PASK: variants seen among roughly 807,000 people sequenced by gnomAD.
PASK encodes PAS domain-containing serine/threonine-protein kinase.
Under a neutral mutation model 121.0 loss-of-function variants are expected in PASK, and 110 were observed. The observed-to-expected ratio is 0.91, with a 90% CI of 0.78 to 1.06. The LOEUF is 1.06. PASK is among the 50% of genes least tolerant of loss of function. The pLI, the probability that PASK is intolerant of heterozygous loss-of-function variation, is 0.00. For synonymous variants in PASK, 686 were observed against 717.8 expected, an observed-to-expected ratio of 0.96 and a Z score of 0.71; for missense variants, 1,643 against 1,702.3, an observed-to-expected ratio of 0.97 and a Z score of 0.61.
rs2064959856 is a variant in PASK at position 241,108,063 on chromosome 2, G to A, written c.3667+104C>T. ...GAATAGAAAAGAAACAAATGAGACT[G>A]TTGATATGGACAGAGATACACTGAG... is the stretch of plus-strand genomic sequence containing the variant. On this transcript the variant is annotated intron_variant, in intron 16 of 17. Transcript: ENST00000234040. The surrounding 1 kb of genome is among the most constrained non-coding windows in gnomAD (Gnocchi z 5.2). 1.9e-6 allele frequency: 2 copies of A among 1,049,768 alleles called. No homozygotes were observed. The highest frequency in any genetic ancestry group is 1.3e-5 in the South Asian group (1 of 79,702). The allele number at this position is 1,049,768 out of a possible 1,614,324, so 65.0% of individuals were successfully genotyped here.
intron 12 of PASK, among the ~76,000 whole-genome samples, chr2:241,121,584 C>A (rs984924509): frequency 2.6e-5 from 4 of 152,120 alleles, no homozygotes; most frequent in Admixed American, 2.6e-4. Flanking sequence ...GACTTTCAGA[C>A]TGAATTTCAA....
intron 12 of PASK, among the ~76,000 whole-genome samples, chr2:241,122,188 C>T (rs1362542044): frequency 6.6e-6 from 1 of 151,482 alleles, no homozygotes; most frequent in Non-Finnish European, 1.5e-5. Context: ...ATCTAAGATA[C>T]CACCTTAGGA....
intron 15 of PASK, among the ~76,000 whole-genome samples, chr2:241,110,358 T>C (rs560638650): frequency 3.3e-5 from 5 of 152,210 alleles, no homozygotes; most frequent in Admixed American, 3.3e-4. Flanking sequence ...GAGATGAAGA[T>C]GACAAGACAG....
At chr2:241,140,793 G>A in intron 2 of PASK, 40 bp from the exon 3 acceptor site, 1 of 1,353,518 alleles carries the variant, frequency 7.4e-7, no homozygotes, top group Non-Finnish European at 1.1e-6. Context: ...ACTTCACACA[G>A]CTGCCAGAGT....
At position 241,112,679 on chromosome 2, in the gene PASK, A is replaced by G. The variant is rs762684115; in HGVS notation, c.3334-240T>C. 5.3e-5 allele frequency: 26 copies of G among 489,118 alleles called. No individual in the cohort carries two copies. The highest frequency in any genetic ancestry group is 2.8e-4 in the East Asian group (7 of 25,332). The allele number at this position is 489,118 out of a possible 1,614,324, so 30.3% of individuals were successfully genotyped here. ...GTTAGCCGGCAAGGTGGCAACATCA[A>G]TGAGACTCGTGAGTTCTGTTTGCTG... is the stretch of plus-strand genomic sequence containing the variant. On this transcript the variant is annotated intron_variant, in intron 14 of 17. Coordinates refer to ENST00000234040, the MANE Select transcript of PASK (RefSeq NM_015148.4). The surrounding 1 kb of genome is among the most constrained non-coding windows in gnomAD (Gnocchi z 5.2).
rs765180142 is a variant in PASK at position 241,126,217 on chromosome 2, G to C, written c.2698C>G (p.His900Asp). The C allele has an allele frequency of 2.8e-5, 45 of 1,613,952 alleles. No homozygotes were observed. The highest frequency in any genetic ancestry group is 3.7e-5 in the Non-Finnish European group (44 of 1,180,038). ...QEGAYSGSCY[H>D]RDGLRLSIQF... ...ATACTCAGCCGTAAGCCATCTCGAT[G>C]GTAGCAGCTCCCGGAGTAGGCACCC... The change falls in exon 10 of 18, where the codon CAT becomes GAT. Residue 900 changes from histidine to aspartate, a missense_variant. Coordinates refer to ENST00000234040, the MANE Select transcript of PASK (RefSeq NM_015148.4).
intron 14 of PASK, 188 bp downstream of exon 14, chr2:241,114,855 C>G: frequency 6.7e-7 from 1 of 1,500,740 alleles, no homozygotes; most frequent in Non-Finnish European, 8.8e-7. Flanking sequence ...TCCTTCCCAA[C>G]CTCACTTTCT....
At chr2:241,137,909 A>G (rs550091205) in intron 6 of PASK, 44 bp downstream of exon 6, 1 of 1,610,068 alleles carries the variant, frequency 6.2e-7, no homozygotes, top group South Asian at 1.1e-5. Flanking sequence ...TTCAGAGCTA[A>G]GAACTCCACC....
Position 241,106,468 on chromosome 2 carries a change from T to C in PASK, c.*98A>G, listed in dbSNP as rs942464454. 19 of 1,242,180 alleles carry C rather than the reference T, an allele frequency of 1.5e-5. No individual in the cohort carries two copies. The highest frequency in any genetic ancestry group is 7.4e-5 in the African/African-American group (5 of 67,746). The allele number at this position is 1,242,180 out of a possible 1,614,324, so 76.9% of individuals were successfully genotyped here. On this transcript the variant is annotated 3_prime_UTR_variant, in exon 18 of 18. Coordinates refer to ENST00000234040, the MANE Select transcript of PASK (RefSeq NM_015148.4). ...TGCACATGAGTTTTTAGAAGGTGAA[T>C]TGGGGATGCTTCAGAATGTATTTTC...
At position 241,135,885 on chromosome 2, in the gene PASK, G is replaced by A; in HGVS notation, c.1292C>T (p.Ala431Val). The change falls in exon 8 of 18, where the codon GCT becomes GTT. Residue 431 changes from alanine (A) to valine (V), a missense_variant. This residue lies in a region of PASK where 1,176 missense variants were observed against 1,162.2 expected (regional missense o/e 1.01). Transcript: ENST00000234040. ...TLDPWQGQDP[A>V]EGGQDPRINV... ...GGACGTCTTACCCTGGCCCCCCTCA[G>A]CTGGGTCCTGGCCCTGCCACGGGTC... 1 of 1,614,092 alleles carries A rather than the reference G, an allele frequency of 6.2e-7. No individual in the cohort carries two copies. The highest frequency in any genetic ancestry group is 8.5e-7 in the Non-Finnish European group (1 of 1,179,974).
In PASK at chr2:241,123,625, C is replaced by A. The variant is rs2065723126; in HGVS notation, c.2904+324G>T. Reference sequence around the variant, plus strand: ...CTGAGGTCAGGAGGTTCAATACCAGCCTTGCCAACATGGAGAAACCCAGTC... The same window carrying A: ...CTGAGGTCAGGAGGTTCAATACCAGACTTGCCAACATGGAGAAACCCAGTC... On this transcript the variant is annotated intron_variant, in intron 11 of 17. Transcript: ENST00000234040. Among the ~76,000 whole-genome samples, 3 of 151,942 alleles carry A rather than the reference C, an allele frequency of 2.0e-5. No individual in the cohort carries two copies. In the South Asian group the frequency reaches 6.2e-4, roughly 31 times the overall value.
chr2:241,116,312 G>T (rs2065367440), intron 12 of PASK, among the ~76,000 whole-genome samples: 1 of 152,276 alleles, frequency 6.6e-6, no homozygotes, highest in Non-Finnish European at 1.5e-5. Context: ...AGGAAGCACA[G>T]AAGGGGGTCA....
chr2:241,139,918 G>A lies in PASK; in HGVS notation c.567C>T (p.Ala189=), dbSNP rs768867633. The change falls in exon 4 of 18, where the codon GCC becomes GCT. Residue 189 remains alanine (A), a synonymous_variant. Coordinates refer to ENST00000234040, the MANE Select transcript of PASK (RefSeq NM_015148.4). Reference sequence around the variant, plus strand: ...CAAACACCACCGCAGCGTGGCCGTCGGCCTCCATGTGCTCCTCGCTGAGGG... The same window carrying A: ...CAAACACCACCGCAGCGTGGCCGTCAGCCTCCATGTGCTCCTCGCTGAGGG... The part of the protein sequence containing the change: ...VEALSEEHME[A]DGHAAVVFGT... 16 of 1,613,980 alleles carry A rather than the reference G, an allele frequency of 9.9e-6. No homozygotes were observed. Among genetic ancestry groups the A allele is most frequent in the East Asian group, 4.5e-5 (2 of 44,892 alleles).
intron 5 of PASK, 75 bp downstream of exon 5, chr2:241,138,579 G>A: frequency 6.6e-7 from 1 of 1,519,984 alleles, no homozygotes; most frequent in South Asian, 1.1e-5. Flanking sequence ...ATGAGACAGG[G>A]ACCAGCACTT....
chr2:241,130,211 C>T (rs552860069), intron 9 of PASK, among the ~76,000 whole-genome samples: 3 of 152,316 alleles, frequency 2.0e-5, no homozygotes, highest in African/African-American at 2.4e-5. Flanking sequence ...AATAAGCGAA[C>T]GAGTGAGTGA....
At chr2:241,119,015 C>G (rs2065489309) in intron 12 of PASK, 1 of 887,924 alleles carries the variant, frequency 1.1e-6, no homozygotes, top group Non-Finnish European at 1.4e-6. Context: ...CGCCATCGAG[C>G]AGCCCGTTCC....
At chr2:241,115,259 T>G (rs2065278651) in intron 13 of PASK, 29 bp downstream of exon 13, 2 of 1,613,888 alleles carry the variant, frequency 1.2e-6, no homozygotes, top group Admixed American at 3.3e-5. Flanking sequence ...TGAGCCAAGT[T>G]AGGGTATCTC....
At chr2:241,139,303 C>T (rs1377087098) in intron 4 of PASK, among the ~76,000 whole-genome samples, 3 of 152,164 alleles carry the variant, frequency 2.0e-5, no homozygotes, top group East Asian at 3.9e-4. Context: ...CCCTCCAACG[C>T]TACTCCCCCA....
intron 10 of PASK, 24 bp from the exon 11 acceptor site, chr2:241,124,157 G>A (rs368142201): frequency 5.0e-6 from 8 of 1,605,090 alleles, no homozygotes; most frequent in Middle Eastern, 1.7e-4. Flanking sequence ...AGGTAAGAAC[G>A]CACAGGCCTG....
Sources: allele counts gnomAD v4.1 joint callset (sites outside exome capture counted in the v4.1 genomes callset), GRCh38; gene constraint gnomAD v4.1.1; regional missense constraint gnomAD v4.1.1; non-coding constraint Gnocchi (gnomAD v3.1); transcripts MANE v1.5; gene names NCBI Gene and HGNC (gene_info 2026-07-23, HGNC 2026-07-21).